The following LUZP1 variants were observed in gnomAD, a reference collection of about 807,000 sequenced individuals.
LUZP1 encodes leucine zipper protein 1, also known as filamin mechanobinding actin cross-linking protein.
A neutral mutation model predicts 71.3 loss-of-function variants in LUZP1; 25 were observed. That is an observed-to-expected ratio of 0.35 (90% CI 0.26 to 0.49). LUZP1 has a LOEUF of 0.49. Ranked by LOEUF, LUZP1 falls within the 20% of genes least tolerant of loss-of-function variation. The pLI, the probability that LUZP1 is intolerant of heterozygous loss-of-function variation, is 0.99. For synonymous variants in LUZP1, 481 were observed against 506.4 expected, an observed-to-expected ratio of 0.95 and a Z score of 0.67; for missense variants, 1,142 against 1,300.8, an observed-to-expected ratio of 0.88 and a Z score of 1.88.
chr1:23,093,283 G>T lies in LUZP1; in HGVS notation c.979C>A (p.Leu327Ile), dbSNP rs974746669. The change falls in exon 4 of 5, where the codon CTA becomes ATA. Residue 327 changes from leucine to isoleucine, a missense_variant. By Grantham distance (5) the Leu-to-Ile change is conservative. Coordinates refer to ENST00000302291, the Ensembl canonical transcript of LUZP1. This position sits in a 1 kb window ranked among gnomAD's most constrained non-coding sequence, Gnocchi z 4.2. ...AATTTGTTTTTATTTTGTTCACTTA[G>T]GTAATTATCCTGAAGGTCGTTATTT... 1 of 1,611,746 alleles carries T rather than the reference G, an allele frequency of 6.2e-7. No individual in the cohort carries two copies. The highest frequency in any genetic ancestry group is 1.3e-5 in the African/African-American group (1 of 74,634).
intron 2 of LUZP1, among the ~76,000 whole-genome samples, chr1:23,148,109 T>C (rs1644357263): frequency 6.6e-6 from 1 of 152,204 alleles, no homozygotes. Flanking sequence ...TTACTTACTT[T>C]TTCATTTGAC....
At chr1:23,112,639 G>C (rs895134115) in intron 2 of LUZP1, among the ~76,000 whole-genome samples, 14 of 152,180 alleles carry the variant, frequency 9.2e-5, no homozygotes, top group Admixed American at 5.9e-4. Flanking sequence ...GTGAACAAGG[G>C]CTGGCAGATT....
At chr1:23,136,295 AACACACACACACACACACACACACAC>A (rs10578041) in intron 2 of LUZP1, among the ~76,000 whole-genome samples, 1 of 130,164 alleles carries the variant, frequency 7.7e-6, no homozygotes, top group Non-Finnish European at 1.6e-5. Flanking sequence ...TTCCGTCTTA[AACACACACACACACACACACACACAC>A]ACACACACAC....
rs1168340303 is a variant in LUZP1 at position 23,084,112 on chromosome 1, G to T, written c.*4783C>A. 2.0e-5 allele frequency: 3 copies of T among 152,176 alleles called. No individual in the cohort carries two copies. In the South Asian group the frequency reaches 6.2e-4, roughly 32 times the overall value. The allele number at this position is 152,176 out of a possible 1,614,324, so 9.4% of individuals were successfully genotyped here. On this transcript the variant is annotated 3_prime_UTR_variant, in exon 5 of 5. Transcript: ENST00000302291. ...TCCCAATTCTACTAAAGGTGGTGGT[G>T]TACATTTTGGGAAGCGCACTACATA...
At chr1:23,174,420 A>T (rs1388283718) in intron 1 of LUZP1, among the ~76,000 whole-genome samples, 3 of 152,152 alleles carry the variant, frequency 2.0e-5, no homozygotes, top group Non-Finnish European at 4.4e-5. Context: ...TCAATCTACC[A>T]ATTCAAATAT....
chr1:23,116,274 G>A (rs545848777), intron 2 of LUZP1, among the ~76,000 whole-genome samples: 4 of 152,190 alleles, frequency 2.6e-5, no homozygotes, highest in East Asian at 3.9e-4. Context: ...CCAGCTACTC[G>A]GGTGGCTGAA....
intron 2 of LUZP1, among the ~76,000 whole-genome samples, chr1:23,118,479 A>T (rs370564196): frequency 3.9e-5 from 6 of 152,302 alleles, no homozygotes; most frequent in African/African-American, 1.4e-4. Context: ...CCTGAGTTCT[A>T]CTCTTGTCTC....
chr1:23,146,485 C>T (rs1644344239), intron 2 of LUZP1, among the ~76,000 whole-genome samples: 1 of 152,134 alleles, frequency 6.6e-6, no homozygotes, highest in Non-Finnish European at 1.5e-5. Flanking sequence ...AGGGATAATA[C>T]CTATCACACA....
chr1:23,135,166 CTT>C (rs1644244117), intron 2 of LUZP1, among the ~76,000 whole-genome samples: 3 of 152,156 alleles, frequency 2.0e-5, no homozygotes. Flanking sequence ...ACTTTGGAAA[CTT>C]AAGGACTGGG....
chr1:23,143,759 C>T (rs1255194263), intron 2 of LUZP1, among the ~76,000 whole-genome samples: 1 of 152,192 alleles, frequency 6.6e-6, no homozygotes, highest in Non-Finnish European at 1.5e-5. Flanking sequence ...TTAGGTGTTA[C>T]AAATTTATTA....
intron 2 of LUZP1, chr1:23,140,709 C>T (rs907154092): frequency 1.3e-5 from 2 of 152,516 alleles, no homozygotes; most frequent in Non-Finnish European, 2.9e-5. Flanking sequence ...TCCTTGGACC[C>T]CTTGTCCCCC....
intron 1 of LUZP1, chr1:23,169,142 T>C (rs1644535803): frequency 6.6e-6 from 1 of 152,232 alleles, no homozygotes; most frequent in Admixed American, 6.5e-5. Flanking sequence ...ACGGATCGCT[T>C]AAACTCAGAA....
At chr1:23,108,006 T>C (rs1027800070) in intron 3 of LUZP1, among the ~76,000 whole-genome samples, 1 of 152,168 alleles carries the variant, frequency 6.6e-6, no homozygotes, top group Non-Finnish European at 1.5e-5. Flanking sequence ...TGAGCTACCC[T>C]ATTGCTCTAC....
intron 2 of LUZP1, among the ~76,000 whole-genome samples, chr1:23,111,411 T>C (rs1644031601): frequency 6.6e-6 from 1 of 151,552 alleles, no homozygotes; most frequent in Non-Finnish European, 1.5e-5. Context: ...AAAATTTTAA[T>C]TAGCTGGGCA....
chr1:23,125,265 A>G lies in LUZP1; in HGVS notation c.-225-16138T>C, dbSNP rs1445672816. Among the ~76,000 whole-genome samples the G allele has an allele frequency of 2.0e-5, 3 of 152,184 alleles. 1 individual carries two copies. In the East Asian group the frequency reaches 5.8e-4, roughly 29 times the overall value. ...GAGAAAACAGTGCATACTTTCTTCA[A>G]AAGTATGCCCACTAAAATGATGGCT... On this transcript the variant is annotated intron_variant, in intron 2 of 4. Transcript: ENST00000302291.
Position 23,093,885 on chromosome 1 carries a change from G to T in LUZP1, c.377C>A (p.Ala126Asp), listed in dbSNP as rs1458716616. 4.3e-6 allele frequency: 7 copies of T among 1,613,882 alleles called. No homozygotes were observed. The highest frequency in any genetic ancestry group is 3.3e-5 in the Admixed American group (2 of 59,990). ...ACAGTCATTCTTACTCCTGCTGAAG[G>T]CCTCTTCTAGCTTCTCTAATTCAGC... Residue 126 changes from alanine to aspartate, a missense_variant, in exon 4 of 5, where the codon GCC (alanine) becomes GAC (aspartate). Physicochemically the swap from Ala to Asp is moderately radical, Grantham distance 126 (BLOSUM62 -2). Transcript: ENST00000302291. This position sits in a 1 kb window ranked among gnomAD's most constrained non-coding sequence, Gnocchi z 4.2.
At chr1:23,088,117 G>A (rs2124578013) in exon 5 of LUZP1, 1 of 152,836 alleles carries the variant, frequency 6.5e-6, no homozygotes, top group Non-Finnish European at 1.5e-5. Flanking sequence ...GAGAAAGCAG[G>A]CGATGCCAGC....
chr1:23,132,311 T>C (rs139800197), intron 2 of LUZP1, among the ~76,000 whole-genome samples: 26 of 152,296 alleles, frequency 1.7e-4, no homozygotes, highest in African/African-American at 6.3e-4. Context: ...GGTCATAAGC[T>C]AAAGAATCCT....
intron 2 of LUZP1, among the ~76,000 whole-genome samples, chr1:23,167,628 G>T (rs1569716386): frequency 2.6e-5 from 4 of 152,244 alleles, no homozygotes. Flanking sequence ...TGCAGTGTTA[G>T]GAAAGGGGTT....
Sources: allele counts gnomAD v4.1 joint callset (sites outside exome capture counted in the v4.1 genomes callset), GRCh38; gene constraint gnomAD v4.1.1; non-coding constraint Gnocchi (gnomAD v3.1); transcripts MANE v1.5; gene names NCBI Gene and HGNC (gene_info 2026-07-23, HGNC 2026-07-21).